The following KDM4C variants were observed in gnomAD, a reference collection of about 807,000 sequenced individuals.
The protein encoded by KDM4C is lysine-specific demethylase 4C.
A neutral mutation model predicts 129.3 loss-of-function variants in KDM4C; 81 were observed. The ratio of observed to expected loss-of-function variants is 0.63; its 90% CI spans 0.52 to 0.75. KDM4C has a LOEUF of 0.75. Ranked by LOEUF, KDM4C falls within the 30% of genes least tolerant of loss-of-function variation. The pLI is 0.00. For synonymous variants in KDM4C, 573 were observed against 456.1 expected, an observed-to-expected ratio of 1.26 and a Z score of -3.26; for missense variants, 1,457 against 1,304.0, an observed-to-expected ratio of 1.12 and a Z score of -1.81.
At chr9:7,099,153 A>C (rs1312429757) in intron 17 of KDM4C, among the ~76,000 whole-genome samples, 1 of 151,798 alleles carries the variant, frequency 6.6e-6, no homozygotes, top group Non-Finnish European at 1.5e-5. Context: ...AACAACAATT[A>C]AAAAGCATTC....
At chr9:7,063,547 C>G (rs1473020701) in intron 17 of KDM4C, among the ~76,000 whole-genome samples, 1 of 152,120 alleles carries the variant, frequency 6.6e-6, no homozygotes, top group Non-Finnish European at 1.5e-5. Flanking sequence ...TTATTGAGGA[C>G]TTAATATGTA....
intron 5 of KDM4C, among the ~76,000 whole-genome samples, chr9:6,873,421 C>T (rs973083606): frequency 1.3e-5 from 2 of 152,260 alleles, no homozygotes; most frequent in Non-Finnish European, 2.9e-5. Context: ...TTAATGTAGC[C>T]ACCTTCATTA....
Position 6,853,640 on chromosome 9 carries a change from G to T in KDM4C, c.629+3940G>T, listed in dbSNP as rs973082354. 3.3e-5 allele frequency among the ~76,000 whole-genome samples: 5 copies of T among 152,354 alleles called. No homozygotes were observed. The East Asian group carries it at 5.8e-4, about 18-fold the overall frequency. On this transcript the variant is annotated intron_variant, in intron 5 of 21. Coordinates refer to ENST00000381309, the MANE Select transcript of KDM4C (RefSeq NM_015061.6). Reference sequence around the variant, plus strand: ...AGTAAGTGTTCATGAACACAGGTTTGTACTGAAGAGACTTCAAAGCAGCTG... The same window carrying T: ...AGTAAGTGTTCATGAACACAGGTTTTTACTGAAGAGACTTCAAAGCAGCTG...
At chr9:6,727,853 C>T (rs2130194892) in intron 1 of KDM4C, among the ~76,000 whole-genome samples, 1 of 150,098 alleles carries the variant, frequency 6.7e-6, no homozygotes, top group South Asian at 2.1e-4. Context: ...GTATGAAAAA[C>T]CTGAAATCAC....
At chr9:7,114,134 T>C (rs1428888090) in intron 18 of KDM4C, among the ~76,000 whole-genome samples, 1 of 152,216 alleles carries the variant, frequency 6.6e-6, no homozygotes, top group Non-Finnish European at 1.5e-5. Context: ...GGAGAGGGGC[T>C]GCTACCATAC....
At chr9:7,114,454 T>C (rs6477159) in intron 18 of KDM4C, among the ~76,000 whole-genome samples, 67,872 of 152,050 alleles carry the variant, frequency 0.45, 15,509 homozygotes, top group East Asian at 0.74. Context: ...TTATGAATAA[T>C]CACAGCAATG....
At chr9:7,055,966 A>G (rs1405892055) in intron 17 of KDM4C, among the ~76,000 whole-genome samples, 1 of 152,232 alleles carries the variant, frequency 6.6e-6, no homozygotes, top group Non-Finnish European at 1.5e-5. Context: ...ATGCTAAAAG[A>G]AAAGAAGTAG....
chr9:7,165,340 A>G lies in KDM4C; in HGVS notation c.2884A>G (p.Ile962Val), dbSNP rs1388429630. ...TGGAGCAAAATATTTTGGATCAAATATTGCCCACATGTACCAGGTGGGTTC... is the reference window on the plus strand; with the variant it reads ...TGGAGCAAAATATTTTGGATCAAATGTTGCCCACATGTACCAGGTGGGTTC... ...LYGAKYFGSN[I>V]AHMYQVEFED... The change falls in exon 20 of 22, where the codon ATT (isoleucine) becomes GTT (valine). Residue 962 changes from isoleucine to valine, a missense_variant. By Grantham distance (29) the Ile-to-Val change is conservative. Coordinates refer to ENST00000381309, the MANE Select transcript of KDM4C (RefSeq NM_015061.6). The G allele has an allele frequency of 1.2e-6, 2 of 1,614,098 alleles. No individual in the cohort carries two copies. Among genetic ancestry groups the G allele is most frequent in the Non-Finnish European group, 8.5e-7 (1 of 1,179,992 alleles).
chr9:7,088,204 C>A (rs10758824), intron 17 of KDM4C, among the ~76,000 whole-genome samples: 62,624 of 151,878 alleles, frequency 0.41, 13,732 homozygotes, highest in African/African-American at 0.57. Flanking sequence ...TTGTCTGCCT[C>A]GGAAGGACCC....
At chr9:6,994,565 T>C (rs576153002) in intron 12 of KDM4C, among the ~76,000 whole-genome samples, 3 of 152,324 alleles carry the variant, frequency 2.0e-5, no homozygotes, top group South Asian at 2.1e-4. Flanking sequence ...ATCATGCTTT[T>C]GGTAGTGAAC....
At chr9:6,904,400 C>T (rs1417162361) in intron 8 of KDM4C, among the ~76,000 whole-genome samples, 1 of 141,622 alleles carries the variant, frequency 7.1e-6, no homozygotes, top group Non-Finnish European at 1.6e-5. Context: ...AGGTGGTTTG[C>T]AGTGGATTTT....
At chr9:7,050,468 CAAACA>C (rs1830005803) in intron 17 of KDM4C, among the ~76,000 whole-genome samples, 1 of 63,732 alleles carries the variant, frequency 1.6e-5, no homozygotes, top group Non-Finnish European at 4.0e-5. Context: ...CACCAAAAAA[CAAACA>C]AAACGTTTGT....
intron 3 of KDM4C, among the ~76,000 whole-genome samples, chr9:6,814,383 CT>C (rs1831699965): frequency 6.6e-6 from 1 of 151,948 alleles, no homozygotes; most frequent in Non-Finnish European, 1.5e-5. Flanking sequence ...TGCTTTTCTG[CT>C]TCTATTGTTG....
At chr9:6,742,208 GT>G (rs1205194204) in intron 1 of KDM4C, among the ~76,000 whole-genome samples, 5 of 151,066 alleles carry the variant, frequency 3.3e-5, no homozygotes, top group Non-Finnish European at 7.4e-5. Flanking sequence ...TAGAGATGGG[GT>G]TTCACCAAGT....
chr9:6,785,985 T>C (rs775897417), intron 1 of KDM4C, among the ~76,000 whole-genome samples: 1 of 152,164 alleles, frequency 6.6e-6, no homozygotes, highest in Non-Finnish European at 1.5e-5. Flanking sequence ...AGTGCTTAGG[T>C]TCCTAGAGGG....
At chr9:6,856,831 C>T (rs529313664) in intron 5 of KDM4C, among the ~76,000 whole-genome samples, 1 of 148,828 alleles carries the variant, frequency 6.7e-6, no homozygotes, top group Non-Finnish European at 1.5e-5. Flanking sequence ...AATCTCGGCT[C>T]ACTGCAAGCT....
intron 1 of KDM4C, among the ~76,000 whole-genome samples, chr9:6,766,803 C>A (rs1820720987): frequency 1.3e-5 from 2 of 151,816 alleles, no homozygotes; most frequent in Non-Finnish European, 1.5e-5. Context: ...GCTTCCCTGA[C>A]CCTTGAGCAT....
chr9:7,065,273 T>TC, intron 17 of KDM4C, among the ~76,000 whole-genome samples: 1 of 152,174 alleles, frequency 6.6e-6, no homozygotes. Flanking sequence ...ACTTTTTTTT[T>TC]CTGTTGGGAA....
chr9:6,761,755 G>A (rs1396089021), intron 1 of KDM4C, among the ~76,000 whole-genome samples: 2 of 152,158 alleles, frequency 1.3e-5, no homozygotes, highest in African/African-American at 4.8e-5. Context: ...ACTGAAAAAT[G>A]TGTGTTCCCT....
Sources: gnomAD v4.1 joint callset for allele counts (sites outside exome capture counted in the v4.1 genomes callset) on GRCh38, gnomAD v4.1.1 for gene constraint, MANE v1.5 for transcripts, NCBI Gene and HGNC (gene_info 2026-07-23, HGNC 2026-07-21) for gene names.